The following COL5A2 variants were observed in gnomAD, a reference collection of about 807,000 sequenced individuals.
The protein encoded by COL5A2 is collagen alpha-2(V) chain.
COL5A2 carries 23 observed loss-of-function variants against 208.2 expected under a neutral mutation model. That is an observed-to-expected ratio of 0.11 (90% CI 0.08 to 0.16). The LOEUF (loss-of-function observed/expected upper bound fraction) is 0.16, where lower values mean the gene tolerates loss of function less well. COL5A2 is among the 10% of genes least tolerant of loss of function. The probability of loss-of-function intolerance (pLI) is 1.00; values close to 1 mark genes in which losing one functional copy is unlikely to be tolerated. For synonymous variants in COL5A2, 625 were observed against 628.5 expected (o/e 0.99, Z 0.08); for missense variants, 1,590 against 1,956.4 (o/e 0.81, Z 3.53).
At chr2:189,116,596 A>T (rs1399596487) in intron 1 of COL5A2, among the ~76,000 whole-genome samples, 1 of 152,138 alleles carries the variant, frequency 6.6e-6, no homozygotes, top group Non-Finnish European at 1.5e-5. Context: ...GTGGGAGGAT[A>T]AGTATGTATG....
chr2:189,072,894 A>G (rs1447501613), intron 17 of COL5A2, among the ~76,000 whole-genome samples: 2 of 152,148 alleles, frequency 1.3e-5, no homozygotes, highest in Admixed American at 6.6e-5. Flanking sequence ...CCATTGATTA[A>G]AAGACTAAAT....
the COL5A2 span, among the ~76,000 whole-genome samples, chr2:189,336,294 T>C: frequency 1.3e-5 from 2 of 152,172 alleles, no homozygotes; most frequent in Non-Finnish European, 2.9e-5. Flanking sequence ...GCTGTTGAGA[T>C]TGTCAAATGG....
At chr2:189,145,617 A>C (rs1042670744) in intron 1 of COL5A2, among the ~76,000 whole-genome samples, 1 of 151,976 alleles carries the variant, frequency 6.6e-6, no homozygotes, top group Non-Finnish European at 1.5e-5. Context: ...CTCTTTAAAA[A>C]CTATGGCCAA....
chr2:189,039,374 G>A lies in COL5A2; in HGVS notation c.3823C>T (p.Leu1275Phe), dbSNP rs570175207. 6.8e-6 allele frequency: 11 copies of A among 1,614,092 alleles called. No individual in the cohort carries two copies. The highest frequency in any genetic ancestry group is 1.7e-4 in the Middle Eastern group (1 of 6,058). ...DPGVHATLKS[L>F]SSQIETMRSP... ...CGCATGGTTTCAATCTGACTACTGAGTGACTTCAGGGTAGCATGAACCCCT... is the reference window on the plus strand; with the variant it reads ...CGCATGGTTTCAATCTGACTACTGAATGACTTCAGGGTAGCATGAACCCCT... Residue 1275 changes from leucine (L) to phenylalanine (F), a missense_variant, in exon 51 of 54, where the codon CTC becomes TTC. By Grantham distance (22) the Leu-to-Phe change is conservative. Transcript: ENST00000374866.
At chr2:189,370,731 G>A in the COL5A2 span, among the ~76,000 whole-genome samples, 87 of 151,954 alleles carry the variant, frequency 5.7e-4, no homozygotes, top group East Asian at 9.9e-3. Context: ...GGCCCAAAAC[G>A]TATTTTATTT....
the COL5A2 span, among the ~76,000 whole-genome samples, chr2:189,323,281 C>T: frequency 6.6e-6 from 1 of 152,142 alleles, no homozygotes; most frequent in African/African-American, 2.4e-5. Flanking sequence ...TGCCCTCTCT[C>T]ACCACTCCTA....
At chr2:189,066,959 T>G (rs905011861) in intron 21 of COL5A2, among the ~76,000 whole-genome samples, 177 bp from the exon 22 acceptor site, 7 of 152,196 alleles carry the variant, frequency 4.6e-5, no homozygotes, top group Non-Finnish European at 1.0e-4. Flanking sequence ...ATGTGTAAAT[T>G]TTTATAAAAT....
chr2:189,035,260 G>T, intron 52 of COL5A2, 105 bp from the exon 53 acceptor site: 1 of 1,417,186 alleles, frequency 7.1e-7, no homozygotes, highest in Non-Finnish European at 9.8e-7. Context: ...AATCAATTTT[G>T]AAGAGTATTA....
chr2:189,343,984 T>C, the COL5A2 span, among the ~76,000 whole-genome samples: 2 of 152,240 alleles, frequency 1.3e-5, no homozygotes, highest in Non-Finnish European at 2.9e-5. Context: ...ATTAAAGAAT[T>C]ACTTAAATCA....
chr2:189,239,131 T>G, the COL5A2 span, among the ~76,000 whole-genome samples: 1 of 152,074 alleles, frequency 6.6e-6, no homozygotes, highest in Non-Finnish European at 1.5e-5. Context: ...AGATATTCAA[T>G]TCTAGCTGAT....
chr2:189,064,173 A>G, intron 25 of COL5A2, 140 bp from the exon 26 acceptor site: 2 of 696,906 alleles, frequency 2.9e-6, no homozygotes, highest in South Asian at 1.9e-5. Context: ...TAAGTGATGT[A>G]TTGTTAAAAT....
the COL5A2 span, chr2:189,311,375 C>G: frequency 1.0e-6 from 1 of 972,144 alleles, no homozygotes; most frequent in Non-Finnish European, 1.6e-6. Flanking sequence ...CAGGGCATCA[C>G]CAAGATTGAA....
At chr2:189,057,176 G>A in intron 34 of COL5A2, 144 bp downstream of exon 34, 1 of 1,027,632 alleles carries the variant, frequency 9.7e-7, no homozygotes. Context: ...CATTTTCTCA[G>A]TAAATGTTTA....
chr2:189,257,937 A>G, the COL5A2 span, among the ~76,000 whole-genome samples: 1 of 152,018 alleles, frequency 6.6e-6, no homozygotes, highest in South Asian at 2.1e-4. Flanking sequence ...ACACAGTGAA[A>G]CCCTGTCTCT....
chr2:189,421,891 A>G, the COL5A2 span, among the ~76,000 whole-genome samples: 983 of 152,220 alleles, frequency 6.5e-3, 18 homozygotes, highest in African/African-American at 0.023. Context: ...TTCAGTAACC[A>G]CAAGATTCCA....
intron 3 of COL5A2, among the ~76,000 whole-genome samples, chr2:189,102,479 A>G (rs1432845674): frequency 6.6e-6 from 1 of 152,146 alleles, no homozygotes; most frequent in Non-Finnish European, 1.5e-5. Flanking sequence ...TTGTATTAAT[A>G]TAGGCTTTGA....
intron 1 of COL5A2, among the ~76,000 whole-genome samples, chr2:189,133,601 A>C (rs1001570464): frequency 2.0e-5 from 3 of 152,186 alleles, no homozygotes; most frequent in Admixed American, 1.3e-4. Context: ...AGGAAGACTG[A>C]ATCTTCTGAG....
the COL5A2 span, among the ~76,000 whole-genome samples, chr2:189,396,518 A>C: frequency 4.2e-4 from 63 of 151,604 alleles, no homozygotes; most frequent in African/African-American, 1.5e-3. Flanking sequence ...CTAAAAATAC[A>C]AAAAAATTAG....
chr2:189,260,762 G>A, the COL5A2 span, among the ~76,000 whole-genome samples: 3 of 152,134 alleles, frequency 2.0e-5, no homozygotes, highest in East Asian at 1.9e-4. Context: ...ATGTAAAAGG[G>A]AAATTACATT....
Sources: allele counts gnomAD v4.1 joint callset (sites outside exome capture counted in the v4.1 genomes callset), GRCh38; gene constraint gnomAD v4.1.1; transcripts MANE v1.5; gene names NCBI Gene and HGNC (gene_info 2026-07-23, HGNC 2026-07-21).